The following OPRL1 variants were observed in gnomAD, a reference collection of about 807,000 sequenced individuals.
The protein encoded by OPRL1 is nociceptin receptor.
OPRL1 carries 5 observed loss-of-function variants against 15.5 expected under a neutral mutation model. The observed-to-expected ratio is 0.32, with a 90% CI of 0.17 to 0.68. The LOEUF (loss-of-function observed/expected upper bound fraction) is 0.68. OPRL1 is among the 30% of genes least tolerant of loss of function. The pLI is 0.72. For synonymous variants in OPRL1, 223 were observed against 230.2 expected (o/e 0.97, Z 0.28); for missense variants, 406 against 515.3 (o/e 0.79, Z 2.05).
At chr20:64,085,067 C>T (rs1038893939) in intron 1 of OPRL1, 4 of 152,216 alleles carry the variant, frequency 2.6e-5, no homozygotes, top group African/African-American at 9.6e-5. Context: ...CCGGAGGGCC[C>T]TGGGTTAGAG....
rs1601660754 is a variant in OPRL1 at position 64,099,230 on chromosome 20, G to T, written c.*431G>T. The T allele has an allele frequency of 4.6e-6, 1 of 217,890 alleles. No homozygotes were observed. Among genetic ancestry groups the T allele is most frequent in the East Asian group, 1.2e-4 (1 of 8,628 alleles). 13.5% of individuals were successfully genotyped at this position (217,890 alleles called of 1,614,324 possible). ...GGAGGAGCAGCAGCTGTGTCATCCTGTGCCCCCCATGTGCTGTGTGCTGTT... is the reference window on the plus strand; with the variant it reads ...GGAGGAGCAGCAGCTGTGTCATCCTTTGCCCCCCATGTGCTGTGTGCTGTT... On this transcript the variant is annotated 3_prime_UTR_variant, in exon 5 of 5. Coordinates refer to ENST00000336866, the MANE Select transcript of OPRL1 (RefSeq NM_182647.4).
At chr20:64,082,806 GGTGT>G (rs1317062683) in intron 1 of OPRL1, among the ~76,000 whole-genome samples, 1 of 148,778 alleles carries the variant, frequency 6.7e-6, no homozygotes, top group Non-Finnish European at 1.5e-5. Flanking sequence ...GTGTGTGTGG[GGTGT>G]GTGTGTGTGG....
In OPRL1 at chr20:64,089,196, C is replaced by A. The variant is rs2060096496; in HGVS notation, c.-184-2770C>A. 6.6e-6 allele frequency among the ~76,000 whole-genome samples: 1 copy of A among 152,060 alleles called. No homozygotes were observed. Among genetic ancestry groups the A allele is most frequent in the Non-Finnish European group, 1.5e-5 (1 of 68,008 alleles). On this transcript the variant is annotated intron_variant, in intron 1 of 4. Transcript: ENST00000336866. The surrounding 1 kb of genome is among the most constrained non-coding windows in gnomAD (Gnocchi z 5.5). ...TTCTATGGTTATGAACATGTCAGGG[C>A]AGAATGACACAGAACACACAAGAAG...
Position 64,088,752 on chromosome 20 carries a change from A to G in OPRL1, c.-184-3214A>G, listed in dbSNP as rs1426034873. Among the ~76,000 whole-genome samples the G allele has an allele frequency of 3.4e-4, 32 of 93,924 alleles. 5 individuals are homozygous for G. The highest frequency in any genetic ancestry group is 7.4e-4 in the East Asian group (2 of 2,716). 61.6% of individuals were successfully genotyped at this position (93,924 alleles called of 152,430 possible). On this transcript the variant is annotated intron_variant, in intron 1 of 4. Transcript: ENST00000336866. ...TGTGCAAGGGGTAGGATCTGTGCAG[A>G]GTGGCCAGGATCTGTGCAGGGAGGG... is the stretch of plus-strand genomic sequence containing the variant.
chr20:64,083,772 A>G lies in OPRL1; in HGVS notation c.-185+3420A>G. ...CGCCCCGCCCCGGCCGGCTCCGCTC[A>G]ACGCTCCCGGTGCGCCCCCTCTGCC... On this transcript the variant is annotated intron_variant, in intron 1 of 4. Transcript: ENST00000336866. This position sits in a 1 kb window ranked among gnomAD's most constrained non-coding sequence, Gnocchi z 4.9. The G allele has an allele frequency of 2.9e-5, 38 of 1,328,864 alleles. No individual in the cohort carries two copies. Among genetic ancestry groups the G allele is most frequent in the Non-Finnish European group, 3.5e-5 (37 of 1,044,672 alleles). 82.3% of individuals were successfully genotyped at this position (1,328,864 alleles called of 1,614,324 possible).
At chr20:64,091,544 T>A (rs2060116681) in intron 1 of OPRL1, among the ~76,000 whole-genome samples, 1 of 152,182 alleles carries the variant, frequency 6.6e-6, no homozygotes, top group Non-Finnish European at 1.5e-5. Context: ...CTTACCCGCT[T>A]GTTTACGACG....
Position 64,083,868 on chromosome 20 carries a change from C to T in OPRL1, c.-185+3516C>T. ...AGGGCGCGGACTCGCCCGCGGGCCT[C>T]CGCTGCCTTGAGGACGCCGAGGAGC... On this transcript the variant is annotated intron_variant, in intron 1 of 4. Transcript: ENST00000336866. The surrounding 1 kb of genome is among the most constrained non-coding windows in gnomAD (Gnocchi z 4.9). The T allele has an allele frequency of 7.0e-7, 1 of 1,426,088 alleles. No homozygotes were observed. The highest frequency in any genetic ancestry group is 1.5e-5 in the African/African-American group (1 of 66,698). The allele number at this position is 1,426,088 out of a possible 1,614,324, so 88.3% of individuals were successfully genotyped here.
intron 1 of OPRL1, among the ~76,000 whole-genome samples, chr20:64,082,443 C>A (rs78839915): frequency 6.6e-6 from 1 of 152,198 alleles, no homozygotes. Context: ...GGCTCCACCC[C>A]CTGGCCGGGG....
Position 64,098,033 on chromosome 20 carries a change from C to A in OPRL1, c.465C>A (p.Pro155=). 1 of 1,613,304 alleles carries A rather than the reference C, an allele frequency of 6.2e-7. No homozygotes were observed. Among genetic ancestry groups the A allele is most frequent in the South Asian group, 1.1e-5 (1 of 91,058 alleles). The change falls in exon 4 of 5, where the codon CCC becomes CCA. Residue 155 remains proline (P), a synonymous_variant. Coordinates refer to ENST00000336866, the MANE Select transcript of OPRL1 (RefSeq NM_182647.4). ...SVDRYVAICH[P]IRALDVRTSS... is the part of the protein sequence containing the mutation. ...ATCGCTATGTAGCCATCTGCCACCC[C>A]ATCCGTGCCCTCGACGTCCGCACGT...
chr20:64,091,374 C>T (rs73324709), intron 1 of OPRL1, among the ~76,000 whole-genome samples: 2,419 of 152,218 alleles, frequency 0.016, 70 homozygotes, highest in African/African-American at 0.054. Flanking sequence ...CTCCAAGTGA[C>T]GAACAGACCC....
intron 1 of OPRL1, among the ~76,000 whole-genome samples, chr20:64,088,769 C>A (rs2060087537): frequency 1.6e-5 from 2 of 125,206 alleles, no homozygotes; most frequent in East Asian, 2.5e-4. Flanking sequence ...AGGATCTGTG[C>A]AGGGAGGGTA....
chr20:64,084,094 C>A, intron 1 of OPRL1: 1 of 1,482,068 alleles, frequency 6.7e-7, no homozygotes, highest in Non-Finnish European at 8.9e-7. Flanking sequence ...GGGCCCAGCC[C>A]GGCTTGGGGG....
At chr20:64,096,504 G>C (rs1375057796) in intron 3 of OPRL1, among the ~76,000 whole-genome samples, 1 of 152,124 alleles carries the variant, frequency 6.6e-6, no homozygotes, top group Non-Finnish European at 1.5e-5. Context: ...TCCCCCTGAA[G>C]AGCTTGGCAC....
Position 64,092,417 on chromosome 20 carries a change from C to G in OPRL1, c.-33-271C>G, listed in dbSNP as rs964248545. On this transcript the variant is annotated intron_variant, in intron 2 of 4. Transcript: ENST00000336866. ...CTCCAGGCACCCTGTGTGTGAGTCT[C>G]TAAACCAAATGGGACCGTGTCCTTG... is the stretch of plus-strand genomic sequence containing the variant. 3.3e-5 allele frequency among the ~76,000 whole-genome samples: 5 copies of G among 152,254 alleles called. No individual in the cohort carries two copies. In the East Asian group the frequency reaches 5.8e-4, roughly 18 times the overall value.
rs933490426 is a variant in OPRL1, at chr20:64,089,864, C to T, written c.-184-2102C>T. On this transcript the variant is annotated intron_variant, in intron 1 of 4. Transcript: ENST00000336866. The surrounding 1 kb of genome is among the most constrained non-coding windows in gnomAD (Gnocchi z 5.5). Reference sequence around the variant, plus strand: ...GGCTGGGAGGCAGGCTCAGGAAGCTCGGGTAGGAGGGTCTAGGGTCTCCTG... The same window carrying T: ...GGCTGGGAGGCAGGCTCAGGAAGCTTGGGTAGGAGGGTCTAGGGTCTCCTG... Among the ~76,000 whole-genome samples the T allele has an allele frequency of 1.3e-4, 20 of 152,180 alleles. No individual in the cohort carries two copies. The highest frequency in any genetic ancestry group is 5.8e-4 in the East Asian group (3 of 5,186).
At position 64,098,414 on chromosome 20, in the gene OPRL1, G is replaced by T; in HGVS notation, c.728G>T (p.Arg243Leu). ...TACAGCCTCATGATCCGGCGGCTCC[G>T]TGGAGTCCGCCTGCTCTCGGGCTCC... The part of the protein sequence containing the change: ...VCYSLMIRRL[R>L]GVRLLSGSRE... The change falls in exon 5 of 5, where the codon CGT (arginine) becomes CTT (leucine). Residue 243 changes from arginine (R) to leucine (L), a missense_variant. Transcript: ENST00000336866. The T allele has an allele frequency of 6.2e-7, 1 of 1,613,556 alleles. No individual in the cohort carries two copies. The highest frequency in any genetic ancestry group is 2.2e-5 in the East Asian group (1 of 44,876).
intron 1 of OPRL1, among the ~76,000 whole-genome samples, chr20:64,087,658 C>T (rs2060063487): frequency 1.3e-5 from 2 of 152,050 alleles, no homozygotes; most frequent in South Asian, 2.1e-4. Context: ...CGCGTGTCAT[C>T]GTTCGTGTCT....
At position 64,083,266 on chromosome 20, in the gene OPRL1, G is replaced by C; in HGVS notation, c.-185+2914G>C. 1 of 957,200 alleles carries C rather than the reference G, an allele frequency of 1.0e-6. No homozygotes were observed. Among genetic ancestry groups the C allele is most frequent in the South Asian group, 1.7e-5 (1 of 60,218 alleles). The allele number at this position is 957,200 out of a possible 1,614,324, so 59.3% of individuals were successfully genotyped here. ...TGCGTCTCCCCACTTTTTTGGGAGA[G>C]GCCCCACTCTCTGTACCCTGATGTC... On this transcript the variant is annotated intron_variant, in intron 1 of 4. Coordinates refer to ENST00000336866, the MANE Select transcript of OPRL1 (RefSeq NM_182647.4). The surrounding 1 kb of genome is among the most constrained non-coding windows in gnomAD (Gnocchi z 4.9).
At chr20:64,093,097 G>T (rs147164184) in intron 3 of OPRL1, 144 bp downstream of exon 3, 19 of 783,084 alleles carry the variant, frequency 2.4e-5, no homozygotes, top group Non-Finnish European at 3.6e-5. Flanking sequence ...TGTCCAGGAG[G>T]CAGGGTCAGT....
Sources: gnomAD v4.1 joint callset for allele counts (sites outside exome capture counted in the v4.1 genomes callset) on GRCh38, gnomAD v4.1.1 for gene constraint, Gnocchi (gnomAD v3.1) non-coding constraint, MANE v1.5 for transcripts, NCBI Gene and HGNC (gene_info 2026-07-23, HGNC 2026-07-21) for gene names.